KLKB1: variants seen among roughly 807,000 people sequenced by gnomAD.
KLKB1 encodes the protein plasma kallikrein.
Under a neutral mutation model 73.6 loss-of-function variants are expected in KLKB1, and 58 were observed. The ratio of observed to expected loss-of-function variants is 0.79; its 90% CI spans 0.64 to 0.98. KLKB1 has a LOEUF of 0.98. Ranked by LOEUF, KLKB1 falls within the 50% of genes least tolerant of loss-of-function variation. The probability of loss-of-function intolerance (pLI) is 0.00; values close to 1 mark genes in which losing one functional copy is unlikely to be tolerated. For missense variants in KLKB1, 737 were observed against 763.8 expected, an observed-to-expected ratio of 0.96 and a Z score of 0.41; for synonymous variants, 280 against 258.1, an observed-to-expected ratio of 1.08 and a Z score of -0.81.
At chr4:186,221,481 C>G (rs1737031541), upstream of KLKB1, among the ~76,000 whole-genome samples, 1 of 151,998 alleles carries the variant, frequency 6.6e-6, no homozygotes, top group African/African-American at 2.4e-5. Context: ...ATTTTCAATG[C>G]CACAAATTTT....
At chr4:186,251,445 C>A in intron 8 of KLKB1, 42 bp from the exon 9 acceptor site, 1 of 1,596,098 alleles carries the variant, frequency 6.3e-7, no homozygotes, top group Non-Finnish European at 8.6e-7. Context: ...TCGTTCATTG[C>A]TTTTCCCATC....
intron 11 of KLKB1, among the ~76,000 whole-genome samples, chr4:186,253,529 A>G (rs4253311): frequency 0.55 from 83,347 of 151,948 alleles, 23,136 homozygotes; most frequent in East Asian, 0.68. Context: ...TTGGGACCAA[A>G]AATTTTCATT....
chr4:186,220,948 T>C (rs1737020343), intron 2 of KLKB1, among the ~76,000 whole-genome samples: 1 of 152,180 alleles, frequency 6.6e-6, no homozygotes, highest in African/African-American at 2.4e-5. Flanking sequence ...TGAGCTTTTC[T>C]TAGTTGAGAG....
intron 2 of KLKB1, among the ~76,000 whole-genome samples, chr4:186,217,096 C>T (rs1374212037): frequency 6.6e-6 from 1 of 152,178 alleles, no homozygotes; most frequent in Non-Finnish European, 1.5e-5. Flanking sequence ...TGATTTGGTT[C>T]ACCTGAATCT....
chr4:186,240,054 ATATTGT>A (rs1737934335), intron 6 of KLKB1, among the ~76,000 whole-genome samples: 1 of 150,946 alleles, frequency 6.6e-6, no homozygotes, highest in Admixed American at 6.6e-5. Flanking sequence ...TAGGACAGTG[ATATTGT>A]TATAGTTATA....
intron 2 of KLKB1, among the ~76,000 whole-genome samples, chr4:186,216,503 G>A (rs1349819307): frequency 1.3e-5 from 2 of 152,184 alleles, no homozygotes; most frequent in African/African-American, 4.8e-5. Flanking sequence ...CTTGCTGGAG[G>A]ATGGTATCCT....
Position 186,238,367 on chromosome 4 carries a change from T to C in KLKB1, c.598+2T>C, listed in dbSNP as rs748863565. The C allele has an allele frequency of 6.3e-7, 1 of 1,590,106 alleles. No individual in the cohort carries two copies. Among genetic ancestry groups the C allele is most frequent in the Non-Finnish European group, 8.6e-7 (1 of 1,158,174 alleles). Reference sequence around the variant, plus strand: ...AGCCCTGTGCCCTTTCAGAAATTGGTAATTGTAGGACTACTTCACTTTGTG... The same window carrying C: ...AGCCCTGTGCCCTTTCAGAAATTGGCAATTGTAGGACTACTTCACTTTGTG... On this transcript the variant is annotated splice_donor_variant, in intron 6 of 14. Transcript: ENST00000264690. LOFTEE classifies it high-confidence loss of function.
At chr4:186,222,754 T>A (rs1480068007), upstream of KLKB1, among the ~76,000 whole-genome samples, 2 of 152,214 alleles carry the variant, frequency 1.3e-5, no homozygotes, top group African/African-American at 4.8e-5. Flanking sequence ...AGTTTTATTC[T>A]TTCATTTGTT....
At chr4:186,245,732 T>C (rs1738294219) in intron 6 of KLKB1, among the ~76,000 whole-genome samples, 1 of 151,898 alleles carries the variant, frequency 6.6e-6, no homozygotes, top group South Asian at 2.1e-4. Context: ...GCCTCTATTA[T>C]TGTACATCTT....
chr4:186,213,090 A>G (rs964103339), intron 2 of KLKB1: 3 of 152,146 alleles, frequency 2.0e-5, no homozygotes, highest in African/African-American at 4.8e-5. Context: ...CATTAAATTT[A>G]AAGTAAAACA....
intron 7 of KLKB1, 45 bp from the exon 8 acceptor site, chr4:186,251,174 T>C (rs1240057717): frequency 1.5e-6 from 2 of 1,328,918 alleles, no homozygotes; most frequent in Non-Finnish European, 2.2e-6. Context: ...ATGCCTTTAA[T>C]GCAAATTTCT....
At chr4:186,251,882 GT>G in intron 10 of KLKB1, 21 bp downstream of exon 10, 1 of 1,603,074 alleles carries the variant, frequency 6.2e-7, no homozygotes, top group East Asian at 2.2e-5. Context: ...TCACTTTTTC[GT>G]GGACCTGTCA....
At chr4:186,214,809 A>G (rs115957254) in intron 2 of KLKB1, among the ~76,000 whole-genome samples, 3,010 of 152,352 alleles carry the variant, frequency 0.02, 49 homozygotes, top group Non-Finnish European at 0.028. Context: ...TTTCTTGTCC[A>G]GAAGTTCACC....
At chr4:186,235,807 G>C (rs1045201533) in intron 4 of KLKB1, among the ~76,000 whole-genome samples, 4 of 151,600 alleles carry the variant, frequency 2.6e-5, no homozygotes, top group Non-Finnish European at 5.9e-5. Context: ...GTCTAACCAA[G>C]AAATTTGAAT....
At chr4:186,238,397 T>A in intron 6 of KLKB1, 32 bp downstream of exon 6, 1 of 1,463,374 alleles carries the variant, frequency 6.8e-7, no homozygotes. Context: ...TTTGTGATTG[T>A]GGTAGGTGGA....
At chr4:186,247,511 C>T (rs1421529118) in intron 6 of KLKB1, among the ~76,000 whole-genome samples, 2 of 152,188 alleles carry the variant, frequency 1.3e-5, no homozygotes, top group Non-Finnish European at 2.9e-5. Context: ...GCCATTTTCA[C>T]TTCTTTTGTC....
intron 12 of KLKB1, among the ~76,000 whole-genome samples, chr4:186,255,148 A>G (rs927635224): frequency 6.6e-6 from 1 of 152,176 alleles, no homozygotes; most frequent in African/African-American, 2.4e-5. Context: ...ACTTCCAGGT[A>G]TAATTTGGGT....
At chr4:186,226,277 G>T (rs1737166388), upstream of KLKB1, among the ~76,000 whole-genome samples, 1 of 151,622 alleles carries the variant, frequency 6.6e-6, no homozygotes. Flanking sequence ...ATTTCTTTAG[G>T]GTCACCTCCT....
chr4:186,224,029 G>A (rs749110134), upstream of KLKB1, among the ~76,000 whole-genome samples: 7 of 152,268 alleles, frequency 4.6e-5, no homozygotes, highest in Non-Finnish European at 1.0e-4. Context: ...AGGGTCCATA[G>A]CTCAGGCTGT....
Sources: allele counts gnomAD v4.1 joint callset (sites outside exome capture counted in the v4.1 genomes callset), GRCh38; gene constraint gnomAD v4.1.1; transcripts MANE v1.5; gene names NCBI Gene and HGNC (gene_info 2026-07-23, HGNC 2026-07-21).